The following TIMELESS variants were observed in gnomAD, a reference collection of about 807,000 sequenced individuals.
TIMELESS encodes the protein timeless circadian regulator.
In TIMELESS, 124 loss-of-function variants were observed where a neutral mutation model predicts 164.3. The ratio of observed to expected loss-of-function variants is 0.75; its 90% CI spans 0.65 to 0.88. The LOEUF (loss-of-function observed/expected upper bound fraction) is 0.88, where lower values mean the gene tolerates loss of function less well. Ranked by LOEUF, TIMELESS falls within the 40% of genes least tolerant of loss-of-function variation. The pLI, the probability that TIMELESS is intolerant of heterozygous loss-of-function variation, is 0.00. For missense variants in TIMELESS, 1,422 were observed against 1,491.4 expected (o/e 0.95, Z 0.77); for synonymous variants, 564 against 563.4 (o/e 1.00, Z -0.02).
intron 26 of TIMELESS, among the ~76,000 whole-genome samples, chr12:56,420,029 A>AATATATAT (rs1555176448): frequency 9.3e-5 from 7 of 75,186 alleles, no homozygotes; most frequent in African/African-American, 4.7e-4. Context: ...AAAAAAAAAA[A>AATATATAT]ATATATATAT....
intron 1 of TIMELESS, among the ~76,000 whole-genome samples, chr12:56,445,719 A>G (rs1380349510): frequency 6.6e-6 from 1 of 151,816 alleles, no homozygotes; most frequent in Non-Finnish European, 1.5e-5. Context: ...AACAAGAGCG[A>G]AACTCTGTCT....
intron 6 of TIMELESS, 73 bp downstream of exon 6, chr12:56,432,953 C>A (rs1160856366): frequency 4.6e-4 from 254 of 547,154 alleles, no homozygotes; most frequent in African/African-American, 3.8e-3. Context: ...GACTCCGTCT[C>A]AAAAAAAAAA....
intron 26 of TIMELESS, 149 bp from the exon 27 acceptor site, chr12:56,418,508 C>G: frequency 1.7e-6 from 1 of 602,870 alleles, no homozygotes. Context: ...CTAATATATA[C>G]CCAGTGCCTA....
intron 13 of TIMELESS, among the ~76,000 whole-genome samples, chr12:56,426,585 A>G (rs1485073757): frequency 1.3e-5 from 2 of 151,318 alleles, no homozygotes; most frequent in Non-Finnish European, 2.9e-5. Context: ...TTTGAGACGG[A>G]GTCTTGCTCT....
chr12:56,418,177 G>C lies in TIMELESS; in HGVS notation c.3411C>G (p.Leu1137=). The change falls in exon 27 of 29, where the codon CTC becomes CTG. Residue 1137 remains leucine, a synonymous_variant. Coordinates refer to ENST00000553532, the MANE Select transcript of TIMELESS (RefSeq NM_003920.5). ...CCGCTTTCTTCTTGTGGGCTAGCAA[G>C]AGGGCCCTCAGGGCTTGTGCTCGGT... The part of the protein sequence containing the change: ...KEHRAQALRA[L]LLAHKKKAGL... 6.2e-7 allele frequency: 1 copy of C among 1,614,232 alleles called. No homozygotes were observed. The highest frequency in any genetic ancestry group is 8.5e-7 in the Non-Finnish European group (1 of 1,180,044).
chr12:56,443,032 T>C (rs1241713281), intron 1 of TIMELESS, among the ~76,000 whole-genome samples: 1 of 152,224 alleles, frequency 6.6e-6, no homozygotes, highest in Non-Finnish European at 1.5e-5. Context: ...CTGCATTAAC[T>C]GTACAAATTG....
chr12:56,440,962 C>T (rs891768421), intron 1 of TIMELESS, among the ~76,000 whole-genome samples: 1 of 150,038 alleles, frequency 6.7e-6, no homozygotes, highest in Admixed American at 6.7e-5. Flanking sequence ...GGATTACAGG[C>T]CTGTGCCACC....
chr12:56,447,644 T>C (rs760915384), intron 1 of TIMELESS, among the ~76,000 whole-genome samples: 17 of 152,280 alleles, frequency 1.1e-4, no homozygotes, highest in Non-Finnish European at 1.6e-4. Flanking sequence ...CCTACTCATC[T>C]CTGTAAGCCT....
intron 1 of TIMELESS, among the ~76,000 whole-genome samples, chr12:56,438,044 A>T (rs1290065463): frequency 3.5e-5 from 5 of 144,836 alleles, no homozygotes; most frequent in East Asian, 2.0e-4. Flanking sequence ...CTTGATAAAC[A>T]TTTTTTTTTT....
chr12:56,420,462 A>G, intron 26 of TIMELESS, 107 bp downstream of exon 26: 1 of 804,566 alleles, frequency 1.2e-6, no homozygotes, highest in Non-Finnish European at 1.9e-6. Context: ...AAGGACCAAG[A>G]TGACGATAAG....
chr12:56,417,769 G>A lies in TIMELESS; in HGVS notation c.3574C>T (p.Pro1192Ser). The A allele has an allele frequency of 6.2e-7, 1 of 1,614,050 alleles. No homozygotes were observed. The highest frequency in any genetic ancestry group is 8.5e-7 in the Non-Finnish European group (1 of 1,180,014). The change falls in exon 29 of 29, where the codon CCA (proline) becomes TCA (serine). Residue 1192 changes from proline (P) to serine (S), a missense_variant. Physicochemically the swap from Pro to Ser is moderately conservative, Grantham distance 74 (BLOSUM62 -1). Coordinates refer to ENST00000553532, the MANE Select transcript of TIMELESS (RefSeq NM_003920.5). ...GRNRAPELGA[P>S]GIQKKKRYQI... ...TATCGTTTCTTCTTTTGGATTCCTG[G>A]AGCTCCCAACTCTGGTGCTGTGGGA...
intron 10 of TIMELESS, among the ~76,000 whole-genome samples, chr12:56,429,558 C>T: frequency 7.7e-6 from 1 of 130,174 alleles, no homozygotes; most frequent in Admixed American, 9.1e-5. Context: ...CTGGAGTGCA[C>T]TGGTCTGATC....
At chr12:56,423,562 A>G (rs1233060339) in intron 17 of TIMELESS, 22 bp downstream of exon 17, 2 of 1,613,554 alleles carry the variant, frequency 1.2e-6, no homozygotes, top group Non-Finnish European at 1.7e-6. Flanking sequence ...TCTAGGACCA[A>G]CTCAGGCCTC....
At chr12:56,429,501 T>C (rs1881797974) in intron 10 of TIMELESS, among the ~76,000 whole-genome samples, 1 of 124,550 alleles carries the variant, frequency 8.0e-6, no homozygotes, top group African/African-American at 3.1e-5. Context: ...CCTGGTCTTT[T>C]TTTTTTTTTT....
Position 56,420,623 on chromosome 12 carries a change from T to C in TIMELESS, c.3174A>G (p.Glu1058=), listed in dbSNP as rs2136131827. ...TEENEEAMEN[E]QFQQLLRKLG... ...GCTTGCGCAACAGCTGCTGAAACTG[T>C]TCGTTTTCCATGGCTTCCTCATTTT... The change falls in exon 26 of 29, where the codon GAA becomes GAG. Residue 1058 remains glutamate (E), a synonymous_variant. Transcript: ENST00000553532. 1.9e-6 allele frequency: 3 copies of C among 1,614,230 alleles called. No individual in the cohort carries two copies. The highest frequency in any genetic ancestry group is 8.5e-7 in the Non-Finnish European group (1 of 1,180,038).
intron 9 of TIMELESS, 56 bp downstream of exon 9, chr12:56,430,825 C>T: frequency 1.6e-6 from 2 of 1,219,852 alleles, no homozygotes; most frequent in South Asian, 1.4e-5. Flanking sequence ...AGATGATTAC[C>T]CTGCTTAAGC....
At chr12:56,430,336 C>T in intron 9 of TIMELESS, 55 bp from the exon 10 acceptor site, 2 of 1,536,792 alleles carry the variant, frequency 1.3e-6, no homozygotes, top group Admixed American at 2.2e-5. Context: ...TTTCCCCTTG[C>T]AGCTCTCGTC....
chr12:56,417,928 C>A lies in TIMELESS; in HGVS notation c.3535G>T (p.Glu1179Ter), dbSNP rs1881319607. 3 of 1,614,122 alleles carry A rather than the reference C, an allele frequency of 1.9e-6. No individual in the cohort carries two copies. The African/African-American group carries it at 4.0e-5, about 22-fold the overall frequency. ...QLLDSDEEQE[E>*]DEGRNRAPEL... ...CTACCTCTGTTCCTGCCCTCATCTTCTTCCTGTTCCTCGTCGCTGTCCAGC... is the reference window on the plus strand; with the variant it reads ...CTACCTCTGTTCCTGCCCTCATCTTATTCCTGTTCCTCGTCGCTGTCCAGC... Residue 1179 changes from glutamate (E) to a stop codon, truncating the protein, a stop_gained, in exon 28 of 29, where the codon GAA (glutamate) becomes TAA (stop). Coordinates refer to ENST00000553532, the MANE Select transcript of TIMELESS (RefSeq NM_003920.5). LOFTEE classifies it high-confidence loss of function.
chr12:56,423,701 T>C lies in TIMELESS; in HGVS notation c.1973A>G (p.Gln658Arg). 2.5e-6 allele frequency: 4 copies of C among 1,614,100 alleles called. No homozygotes were observed. The highest frequency in any genetic ancestry group is 3.4e-6 in the Non-Finnish European group (4 of 1,179,982). Residue 658 changes from glutamine (Q) to arginine (R), a missense_variant, in exon 17 of 29, where the codon CAG becomes CGG. Transcript: ENST00000553532. The part of the protein sequence containing the change: ...QILSAPLPRQ[Q>R]GPEERGAEEE... ...CTCTGCCCCACGTTCCTCTGGGCCC[T>C]GCTGCCCTATAGACAGAGGGAGGAT...
Sources: gnomAD v4.1 joint callset for allele counts (sites outside exome capture counted in the v4.1 genomes callset) on GRCh38, gnomAD v4.1.1 for gene constraint, MANE v1.5 for transcripts, NCBI Gene and HGNC (gene_info 2026-07-23, HGNC 2026-07-21) for gene names.